SH2D4B: variants seen among roughly 807,000 people sequenced by gnomAD.
SH2D4B encodes SH2 domain-containing protein 4B.
A neutral mutation model predicts 61.5 loss-of-function variants in SH2D4B; 45 were observed. The ratio of observed to expected loss-of-function variants is 0.73; its 90% confidence interval spans 0.58 to 0.94. The LOEUF is 0.94. SH2D4B is among the 40% of genes least tolerant of loss of function. The pLI, the probability that SH2D4B is intolerant of heterozygous loss-of-function variation, is 0.00. For missense variants in SH2D4B, 572 were observed against 574.2 expected, an observed-to-expected ratio of 1.00 and a Z score of 0.04; for synonymous variants, 224 against 220.4, an observed-to-expected ratio of 1.02 and a Z score of -0.14.
At chr10:80,577,012 C>T (rs1842133415) in intron 3 of SH2D4B, among the ~76,000 whole-genome samples, 1 of 152,244 alleles carries the variant, frequency 6.6e-6, no homozygotes, top group Non-Finnish European at 1.5e-5. Flanking sequence ...AGTGATCTGC[C>T]TGCCTCAGCC....
At chr10:80,587,144 T>G (rs1225737184) in intron 3 of SH2D4B, among the ~76,000 whole-genome samples, 23 of 42,788 alleles carry the variant, frequency 5.4e-4, no homozygotes, top group Admixed American at 3.0e-3. Context: ...TTTTTTTTTT[T>G]TGTTTTGTTT....
At chr10:80,549,444 A>G (rs955037482) in intron 1 of SH2D4B, among the ~76,000 whole-genome samples, 1 of 152,202 alleles carries the variant, frequency 6.6e-6, no homozygotes, top group Non-Finnish European at 1.5e-5. Context: ...TACAGCAGCC[A>G]GAAAGGTGAG....
chr10:80,554,789 C>G (rs545628687), intron 1 of SH2D4B, among the ~76,000 whole-genome samples: 2 of 152,196 alleles, frequency 1.3e-5, no homozygotes, highest in Admixed American at 6.5e-5. Context: ...GCGGGTGGAT[C>G]ACAAGGTCAG....
Position 80,538,343 on chromosome 10 carries a change from G to A in SH2D4B, c.12G>A (p.Gln4=), listed in dbSNP as rs573739698. MLQ[Q]ILHDMYIDPE... ...TCCCAGGTGGCATCATGCTGCAGCA[G>A]ATCCTGCACGACATGTACATCGACC... The change falls in exon 1 of 8, where the codon CAG becomes CAA. Residue 4 remains glutamine (Q), a synonymous_variant. Transcript: ENST00000646907. This position sits in a 1 kb window ranked among gnomAD's most constrained non-coding sequence, Gnocchi z 4.8. 1.5e-6 allele frequency: 2 copies of A among 1,353,668 alleles called. No homozygotes were observed. Among genetic ancestry groups the A allele is most frequent in the East Asian group, 3.0e-5 (1 of 33,862 alleles). The allele number at this position is 1,353,668 out of a possible 1,614,324, so 83.9% of individuals were successfully genotyped here.
At chr10:80,627,528 C>T (rs549520283) in intron 6 of SH2D4B, among the ~76,000 whole-genome samples, 16 of 152,172 alleles carry the variant, frequency 1.1e-4, no homozygotes, top group African/African-American at 2.9e-4. Flanking sequence ...TCACTTCCGC[C>T]GCTGGGCTCC....
chr10:80,616,825 C>G (rs1039522830), intron 6 of SH2D4B, among the ~76,000 whole-genome samples: 1 of 152,244 alleles, frequency 6.6e-6, no homozygotes, highest in African/African-American at 2.4e-5. Flanking sequence ...TCCAGTATTT[C>G]ACTTACTTCC....
chr10:80,640,381 G>A lies in SH2D4B; in HGVS notation c.1210-3612G>A, dbSNP rs368859053. Among the ~76,000 whole-genome samples, 13 of 152,310 alleles carry A rather than the reference G, an allele frequency of 8.5e-5. No homozygotes were observed. The East Asian group carries it at 1.9e-3, about 23-fold the overall frequency. On this transcript the variant is annotated intron_variant, in intron 7 of 7. Transcript: ENST00000646907. ...TCTCCTGGATAATATCCTGAAGAGT[G>A]TTTTCCAACTTGGTTCCATTCTCCT...
chr10:80,607,028 AAAG>A (rs1165424256), intron 5 of SH2D4B, among the ~76,000 whole-genome samples: 5 of 152,210 alleles, frequency 3.3e-5, no homozygotes, highest in East Asian at 3.9e-4. Flanking sequence ...GAAAAAGAAA[AAAG>A]AAGTGAAAAC....
rs150372069 is a variant in SH2D4B at position 80,554,035 on chromosome 10, A to T, written c.184+15520A>T. Among the ~76,000 whole-genome samples, 308 of 152,384 alleles carry T rather than the reference A, an allele frequency of 2.0e-3. 2 individuals are homozygous for T. Among genetic ancestry groups the T allele is most frequent in the African/African-American group, 6.9e-3 (287 of 41,598 alleles). Reference sequence around the variant, plus strand: ...GTAAGGAAGACGAAATGATGGTCCCAGTGAAGCAAAGTATGTTGTGAGTAC... The same window carrying T: ...GTAAGGAAGACGAAATGATGGTCCCTGTGAAGCAAAGTATGTTGTGAGTAC... On this transcript the variant is annotated intron_variant, in intron 1 of 7. Coordinates refer to ENST00000646907, the MANE Select transcript of SH2D4B (RefSeq NM_001388272.1).
intron 3 of SH2D4B, among the ~76,000 whole-genome samples, chr10:80,585,682 T>TTTTC (rs973497972): frequency 1.3e-5 from 2 of 152,182 alleles, no homozygotes; most frequent in African/African-American, 4.8e-5. Flanking sequence ...CGTATTTCTT[T>TTTTC]TTTCTTTCTT....
chr10:80,570,279 G>A lies in SH2D4B; in HGVS notation c.310G>A (p.Ala104Thr), dbSNP rs1408394380. ...CTCTGAGGAGCTGATTGCAGAGAGG[G>A]CGCGGCTGCAGGCACAGAGGGAAGC... ...EISEELIAER[A>T]RLQAQREAEE... The change falls in exon 2 of 8, where the codon GCG becomes ACG. Residue 104 changes from alanine to threonine, a missense_variant. Physicochemically the swap from Ala to Thr is moderately conservative, Grantham distance 58. Transcript: ENST00000646907. 2 of 1,613,756 alleles carry A rather than the reference G, an allele frequency of 1.2e-6. No homozygotes were observed. The highest frequency in any genetic ancestry group is 1.7e-6 in the Non-Finnish European group (2 of 1,179,976).
At chr10:80,558,648 A>G (rs1457233748) in intron 1 of SH2D4B, among the ~76,000 whole-genome samples, 1 of 151,896 alleles carries the variant, frequency 6.6e-6, no homozygotes, top group Non-Finnish European at 1.5e-5. Flanking sequence ...TACCCAGCTA[A>G]TTTTTGTTTT....
chr10:80,587,155 T>TTTTTTTTTTTTTTTGTTG (rs1842267513), intron 3 of SH2D4B, among the ~76,000 whole-genome samples: 1 of 107,418 alleles, frequency 9.3e-6, no homozygotes, highest in Non-Finnish European at 1.8e-5. Flanking sequence ...TGTTTTGTTT[T>TTTTTTTTTTTTTTTGTTG]TTTTTTTTTT....
At chr10:80,540,887 C>T (rs1207524383) in intron 1 of SH2D4B, 76 of 1,551,558 alleles carry the variant, frequency 4.9e-5, no homozygotes, top group Non-Finnish European at 6.5e-5. Context: ...ATCTTCTCTT[C>T]CTTCCCTTGA....
At chr10:80,554,014 G>A (rs1841794977) in intron 1 of SH2D4B, among the ~76,000 whole-genome samples, 1 of 152,188 alleles carries the variant, frequency 6.6e-6, no homozygotes. Flanking sequence ...AGATTTGTAA[G>A]GAAGACGAAA....
At chr10:80,543,580 C>T (rs1399822687) in intron 1 of SH2D4B, among the ~76,000 whole-genome samples, 2 of 152,232 alleles carry the variant, frequency 1.3e-5, no homozygotes, top group Non-Finnish European at 2.9e-5. Context: ...ATCTACCACT[C>T]AAGGGCTGAG....
chr10:80,589,690 T>C (rs1272889716), intron 4 of SH2D4B, among the ~76,000 whole-genome samples: 1 of 152,150 alleles, frequency 6.6e-6, no homozygotes. Context: ...AGGGAGGATG[T>C]AGCACATACA....
rs186799114 is a variant in SH2D4B at position 80,605,073 on chromosome 10, G to A, written c.860+1278G>A. Reference sequence around the variant, plus strand: ...CTCCCAAAGTGCTGGGATTACAGGCGTGAGCCACTGCGTCCGGCTCTGTTC... The same window carrying A: ...CTCCCAAAGTGCTGGGATTACAGGCATGAGCCACTGCGTCCGGCTCTGTTC... On this transcript the variant is annotated intron_variant, in intron 5 of 7. Coordinates refer to ENST00000646907, the MANE Select transcript of SH2D4B (RefSeq NM_001388272.1). Among the ~76,000 whole-genome samples the A allele has an allele frequency of 4.3e-3, 658 of 152,210 alleles. 5 individuals carry two copies. Among genetic ancestry groups the A allele is most frequent in the African/African-American group, 0.015 (616 of 41,522 alleles).
chr10:80,597,657 C>T (rs1002352836), intron 4 of SH2D4B, among the ~76,000 whole-genome samples: 1 of 151,404 alleles, frequency 6.6e-6, no homozygotes, highest in Non-Finnish European at 1.5e-5. Context: ...CAGAGCGAGA[C>T]TCCATCTCAA....
Sources: allele counts gnomAD v4.1 joint callset (sites outside exome capture counted in the v4.1 genomes callset), GRCh38; gene constraint gnomAD v4.1.1; non-coding constraint Gnocchi (gnomAD v3.1); transcripts MANE v1.5; gene names NCBI Gene and HGNC (gene_info 2026-07-23, HGNC 2026-07-21).